ARSF: variants seen among roughly 807,000 people sequenced by gnomAD.
The protein encoded by ARSF is arylsulfatase F.
In ARSF, 33 loss-of-function variants were observed where a neutral mutation model predicts 35.4. That is an observed-to-expected ratio of 0.93 (90% CI 0.71 to 1.25). The LOEUF (loss-of-function observed/expected upper bound fraction) is 1.25. ARSF is among the 50% of genes most tolerant of loss of function. The probability of loss-of-function intolerance (pLI) is 0.00; values close to 1 mark genes in which losing one functional copy is unlikely to be tolerated. For missense variants in ARSF, 501 were observed against 480.2 expected, an observed-to-expected ratio of 1.04 and a Z score of -0.40; for synonymous variants, 222 against 193.1, an observed-to-expected ratio of 1.15 and a Z score of -1.24.
chrX:3,102,322 T>TCA (rs2090382384), intron 8 of ARSF, among the ~76,000 whole-genome samples: 1 of 112,009 alleles, frequency 8.9e-6, no homozygotes, highest in Non-Finnish European at 1.9e-5. Flanking sequence ...CATTATATGA[T>TCA]TCTTATGCCT....
chrX:3,076,498 G>T (rs760973956), intron 3 of ARSF, 50 bp from the exon 4 acceptor site: 21 of 1,124,298 alleles, frequency 1.9e-5, no homozygotes, highest in Non-Finnish European at 2.5e-5. Flanking sequence ...TGCTTCCCCC[G>T]CCCCCCACCT....
intron 7 of ARSF, 51 bp from the exon 8 acceptor site, chrX:3,101,036 A>C: frequency 8.6e-7 from 1 of 1,158,608 alleles, no homozygotes; most frequent in South Asian, 1.9e-5. Context: ...CTTAGGGGTG[A>C]AATACCTCAT....
intron 9 of ARSF, among the ~76,000 whole-genome samples, chrX:3,108,938 C>A (rs1270738929): frequency 2.7e-5 from 3 of 111,314 alleles, no homozygotes; most frequent in African/African-American, 9.8e-5. Context: ...ATTGCTTGAA[C>A]CTGGGAGATG....
At chrX:3,109,943 C>T (rs1437658584) in intron 9 of ARSF, among the ~76,000 whole-genome samples, 185 bp from the exon 10 acceptor site, 1 of 111,777 alleles carries the variant, frequency 8.9e-6, no homozygotes, top group Non-Finnish European at 1.9e-5. Flanking sequence ...CAGAACTTAG[C>T]TTTCTTCTCT....
Position 3,089,603 on chromosome X carries a change from A to T in ARSF, c.938A>T (p.Asp313Val), listed in dbSNP as rs770194412. 12 of 1,208,907 alleles carry T rather than the reference A, an allele frequency of 9.9e-6. No homozygotes were observed. In the East Asian group the frequency reaches 3.0e-4, roughly 30 times the overall value. The change falls in exon 7 of 11, where the codon GAT becomes GTT. Residue 313 changes from aspartate (D) to valine (V), a missense_variant. Physicochemically the swap from Asp to Val is radical, Grantham distance 152 (BLOSUM62 -3). Transcript: ENST00000381127. The stretch of plus-strand genomic sequence containing the variant: ...ACCAGCAAGCATGGCTTGTATGGGG[A>T]TAATGTGGAAGAGATGGACTCCATG... Reference protein sequence around the residue: ...TGTSKHGLYGDNVEEMDSMVG... With the variant: ...TGTSKHGLYGVNVEEMDSMVG...
At chrX:3,047,094 T>G (rs2089978593) in intron 1 of ARSF, among the ~76,000 whole-genome samples, 1 of 111,557 alleles carries the variant, frequency 9.0e-6, no homozygotes, top group South Asian at 3.8e-4. Flanking sequence ...AAGGAATTGG[T>G]TCATCTTCTA....
chrX:3,090,043 ATAGT>A (rs1429827065), intron 7 of ARSF, among the ~76,000 whole-genome samples: 1 of 111,306 alleles, frequency 9.0e-6, no homozygotes, highest in East Asian at 2.8e-4. Context: ...ATAGCACGCA[ATAGT>A]TAGTTTTCAA....
At chrX:3,098,087 C>CACACAA (rs58668831) in intron 7 of ARSF, among the ~76,000 whole-genome samples, 1 of 106,835 alleles carries the variant, frequency 9.4e-6, no homozygotes, top group East Asian at 2.9e-4. Flanking sequence ...CACACACACA[C>CACACAA]AATGGACACT....
chrX:3,040,574 A>T (rs2089951351), upstream of ARSF, among the ~76,000 whole-genome samples: 1 of 111,239 alleles, frequency 9.0e-6, no homozygotes, highest in African/African-American at 3.3e-5. Flanking sequence ...CTTTTGTGGC[A>T]TAATTTTGAA....
Position 3,093,109 on chromosome X carries a change from T to TA in ARSF, c.967+3477_967+3478insA. On this transcript the variant is annotated intron_variant, in intron 7 of 10. Coordinates refer to ENST00000381127, the MANE Select transcript of ARSF (RefSeq NM_001201539.2). ...TGAACCTGGGAGGCAGAGCTTGCAGTGGCCGAGATCGCGCCACTGCACTCC... is the reference window on the plus strand; with the variant it reads ...TGAACCTGGGAGGCAGAGCTTGCAGTAGGCCGAGATCGCGCCACTGCACTCC... 2.7e-5 allele frequency among the ~76,000 whole-genome samples: 3 copies of TA among 110,866 alleles called. 1 individual carries two copies. In the Admixed American group the frequency reaches 2.9e-4, roughly 11 times the overall value.
rs763006005 is a variant in ARSF, at chrX:3,093,313, GT to G, written c.967+3682del. 6.3e-5 allele frequency among the ~76,000 whole-genome samples: 7 copies of G among 111,733 alleles called. No homozygotes were observed. In the East Asian group the frequency reaches 2.0e-3, roughly 31 times the overall value. On this transcript the variant is annotated intron_variant, in intron 7 of 10. Coordinates refer to ENST00000381127, the MANE Select transcript of ARSF (RefSeq NM_001201539.2). ...GTACGCATGCAGGTTTGTTACCTGG[GT>G]ATATTGCATGATGCCAAGATTTGAA...
chrX:3,102,890 A>AGTG (rs2090388082), intron 8 of ARSF, among the ~76,000 whole-genome samples: 1 of 109,669 alleles, frequency 9.1e-6, no homozygotes, highest in Non-Finnish European at 1.9e-5. Context: ...CCAGCCTGGC[A>AGTG]ACAGAGCGAG....
intron 9 of ARSF, among the ~76,000 whole-genome samples, chrX:3,108,542 G>A (rs2090424341): frequency 1.8e-5 from 2 of 111,446 alleles, no homozygotes; most frequent in East Asian, 2.8e-4. Context: ...TCATGTTATA[G>A]TACATGATAC....
intron 4 of ARSF, among the ~76,000 whole-genome samples, chrX:3,079,427 C>A (rs1363347291): frequency 9.6e-6 from 1 of 104,690 alleles, no homozygotes; most frequent in Non-Finnish European, 1.9e-5. Flanking sequence ...CTCACTGCAA[C>A]CTCTGCCCCT....
At chrX:3,043,780 T>A (rs1392865226) in intron 1 of ARSF, among the ~76,000 whole-genome samples, 1 of 111,297 alleles carries the variant, frequency 9.0e-6, no homozygotes, top group Non-Finnish European at 1.9e-5. Flanking sequence ...TCTGTTTGTT[T>A]GATTGATTTG....
chrX:3,060,032 C>A (rs1365543622), intron 1 of ARSF, among the ~76,000 whole-genome samples: 3 of 112,074 alleles, frequency 2.7e-5, no homozygotes, highest in Non-Finnish European at 5.6e-5. Flanking sequence ...AGACACCTCC[C>A]AGTAGGGGCC....
At chrX:3,056,275 A>AT (rs773033087) in intron 1 of ARSF, among the ~76,000 whole-genome samples, 1,864 of 84,703 alleles carry the variant, frequency 0.022, 21 homozygotes, top group Non-Finnish European at 0.03. Context: ...CATCATTCCT[A>AT]TTTTTTTTTT....
intron 7 of ARSF, among the ~76,000 whole-genome samples, chrX:3,100,374 ATCAG>A (rs1192532863): frequency 1.8e-5 from 2 of 112,289 alleles, no homozygotes; most frequent in Non-Finnish European, 3.8e-5. Context: ...TCTGTGCAAC[ATCAG>A]TCAGAATACC....
At chrX:3,059,904 C>A (rs1413575513) in intron 1 of ARSF, among the ~76,000 whole-genome samples, 1 of 112,572 alleles carries the variant, frequency 8.9e-6, no homozygotes. Context: ...CAGACTTAAA[C>A]GTCCCTGTCT....
Sources: gnomAD v4.1 joint callset for allele counts (sites outside exome capture counted in the v4.1 genomes callset) on GRCh38, gnomAD v4.1.1 for gene constraint, MANE v1.5 for transcripts, NCBI Gene and HGNC (gene_info 2026-07-23, HGNC 2026-07-21) for gene names.